Variants in CNNM2 observed in about 807,000 individuals in gnomAD.
CNNM2 encodes metal transporter CNNM2.
CNNM2 carries 12 observed loss-of-function variants against 66.9 expected under a neutral mutation model. The observed-to-expected ratio is 0.18, with a 90% CI of 0.11 to 0.29. The LOEUF is 0.29. CNNM2 is among the 10% of genes least tolerant of loss of function. The pLI, the probability that CNNM2 is intolerant of heterozygous loss-of-function variation, is 1.00. For synonymous variants in CNNM2, 557 were observed against 501.8 expected (o/e 1.11, Z -1.47); for missense variants, 705 against 1,167.7 (o/e 0.60, Z 5.77).
intron 5 of CNNM2, among the ~76,000 whole-genome samples, chr10:103,069,082 G>A (rs183381236): frequency 6.6e-6 from 1 of 152,256 alleles, no homozygotes; most frequent in East Asian, 1.9e-4. Flanking sequence ...GACACTGTGT[G>A]TGTTACACAG....
chr10:102,931,055 G>T (rs1846045943), intron 1 of CNNM2, among the ~76,000 whole-genome samples: 1 of 152,158 alleles, frequency 6.6e-6, no homozygotes, highest in Admixed American at 6.6e-5. Context: ...TAGTTCAGTG[G>T]TCTCATAGAG....
At chr10:102,933,417 C>T (rs187012931) in intron 1 of CNNM2, among the ~76,000 whole-genome samples, 84 of 152,186 alleles carry the variant, frequency 5.5e-4, no homozygotes, top group Non-Finnish European at 1.0e-3. Flanking sequence ...ATGTTATCTT[C>T]AGATTGTTCA....
chr10:103,013,309 A>G (rs1425533276), intron 1 of CNNM2, among the ~76,000 whole-genome samples: 2 of 152,164 alleles, frequency 1.3e-5, no homozygotes, highest in South Asian at 2.1e-4. Flanking sequence ...TCTCTTCTTC[A>G]CGAGTTCTTG....
intron 2 of CNNM2, 116 bp downstream of exon 2, chr10:103,049,966 G>C (rs919624532): frequency 1.1e-6 from 1 of 946,604 alleles, no homozygotes; most frequent in Non-Finnish European, 1.6e-6. Flanking sequence ...CACATGATGT[G>C]TGTAGGCCGT....
intron 1 of CNNM2, among the ~76,000 whole-genome samples, chr10:103,021,889 G>A (rs1407138117): frequency 6.6e-6 from 1 of 152,194 alleles, no homozygotes; most frequent in Admixed American, 6.5e-5. Flanking sequence ...ATATATGTGT[G>A]TATGTATATG....
intron 1 of CNNM2, among the ~76,000 whole-genome samples, chr10:102,982,614 T>C (rs2063735501): frequency 6.6e-6 from 1 of 152,186 alleles, no homozygotes; most frequent in African/African-American, 2.4e-5. Flanking sequence ...CTTTGATGGG[T>C]AGTTAGTTCT....
chr10:103,083,379 C>G lies in CNNM2; in HGVS notation c.*6199C>G, dbSNP rs1433618375. On this transcript the variant is annotated 3_prime_UTR_variant, in exon 8 of 8. Transcript: ENST00000369878. ...CTATTCTATTTAGATAAATGATGTT[C>G]TGTTCACCCTGCTAGCAGATGTGTG... 1 of 152,174 alleles carries G rather than the reference C, an allele frequency of 6.6e-6. No homozygotes were observed. Among genetic ancestry groups the G allele is most frequent in the African/African-American group, 2.4e-5 (1 of 41,436 alleles). 9.4% of individuals were successfully genotyped at this position (152,174 alleles called of 1,614,324 possible).
chr10:102,937,640 C>T (rs1846285060), intron 1 of CNNM2, among the ~76,000 whole-genome samples: 2 of 152,148 alleles, frequency 1.3e-5, no homozygotes, highest in African/African-American at 4.8e-5. Flanking sequence ...ATATCTTACA[C>T]ATTTTGCTAA....
At position 103,089,959 on chromosome 10, in the gene CNNM2, ACT is replaced by A; in HGVS notation, c.*12781_*12782del. The stretch of plus-strand genomic sequence containing the variant: ...AGAAAGCAGGCAGAGCAAAGTAGCT[ACT>A]CCCCAAATCCTAACCCCTCTCCTCT... On this transcript the variant is annotated 3_prime_UTR_variant, in exon 8 of 8. Coordinates refer to ENST00000369878, the MANE Select transcript of CNNM2 (RefSeq NM_017649.5). 2 of 1,479,542 alleles carry A rather than the reference ACT, an allele frequency of 1.4e-6. 1 individual carries two copies. The highest frequency in any genetic ancestry group is 2.6e-5 in the South Asian group (2 of 75,510). 91.7% of individuals were successfully genotyped at this position (1,479,542 alleles called of 1,614,324 possible).
chr10:103,047,640 C>G (rs1306511954), intron 1 of CNNM2, among the ~76,000 whole-genome samples: 1 of 152,180 alleles, frequency 6.6e-6, no homozygotes, highest in Non-Finnish European at 1.5e-5. Flanking sequence ...TTCTGTAAAT[C>G]TAAAATTATT....
chr10:102,968,072 G>A (rs1171136453), intron 1 of CNNM2, among the ~76,000 whole-genome samples: 1 of 152,018 alleles, frequency 6.6e-6, no homozygotes, highest in African/African-American at 2.4e-5. Context: ...CATTTCTCTT[G>A]TGGAGATACT....
At chr10:102,965,638 G>A (rs1377162898) in intron 1 of CNNM2, among the ~76,000 whole-genome samples, 1 of 152,166 alleles carries the variant, frequency 6.6e-6, no homozygotes, top group African/African-American at 2.4e-5. Flanking sequence ...TCTTGAGTCA[G>A]CGTCTTTATC....
At chr10:102,933,108 G>C (rs1041172536) in intron 1 of CNNM2, among the ~76,000 whole-genome samples, 1 of 152,070 alleles carries the variant, frequency 6.6e-6, no homozygotes, top group Non-Finnish European at 1.5e-5. Context: ...TGTTTTGGCT[G>C]TCAGGATTCC....
At position 102,922,440 on chromosome 10, in the gene CNNM2, A is replaced by G. The variant is rs956672960; in HGVS notation, c.1621+2339A>G. ...CCTGATTTTCATGTCTTCATTTTCT[A>G]AATCAATTATGACAGTGTTAACAAT... is the stretch of plus-strand genomic sequence containing the variant. On this transcript the variant is annotated intron_variant, in intron 1 of 7. Coordinates refer to ENST00000369878, the MANE Select transcript of CNNM2 (RefSeq NM_017649.5). Among the ~76,000 whole-genome samples, 20 of 151,980 alleles carry G rather than the reference A, an allele frequency of 1.3e-4. 1 individual carries two copies. Among genetic ancestry groups the G allele is most frequent in the African/African-American group, 4.8e-4 (20 of 41,368 alleles).
intron 1 of CNNM2, among the ~76,000 whole-genome samples, chr10:103,019,174 T>TG (rs2064517935): frequency 6.7e-6 from 1 of 150,356 alleles, no homozygotes; most frequent in Admixed American, 6.6e-5. Flanking sequence ...GAGGCTGAGT[T>TG]GGGAGGATCA....
At chr10:102,974,901 A>C (rs1395012851) in intron 1 of CNNM2, among the ~76,000 whole-genome samples, 1 of 152,204 alleles carries the variant, frequency 6.6e-6, no homozygotes, top group East Asian at 1.9e-4. Context: ...TGGGGCACAC[A>C]TTTTGAAATT....
At chr10:102,972,582 G>T (rs2063562520) in intron 1 of CNNM2, among the ~76,000 whole-genome samples, 1 of 152,226 alleles carries the variant, frequency 6.6e-6, no homozygotes. Context: ...CTTGCAGTGA[G>T]CTGAGATCGC....
intron 1 of CNNM2, 40 bp downstream of exon 1, chr10:102,920,141 C>G (rs1845565292): frequency 6.2e-6 from 10 of 1,613,866 alleles, no homozygotes; most frequent in Admixed American, 1.7e-5. Flanking sequence ...TGCTCTTTCT[C>G]TCTCCATCCT....
In CNNM2 at chr10:102,968,774, A is replaced by AT. The variant is rs1161170842; in HGVS notation, c.1621+48680dup. 3.3e-5 allele frequency among the ~76,000 whole-genome samples: 5 copies of AT among 151,514 alleles called. No homozygotes were observed. The South Asian group carries it at 8.3e-4, about 25-fold the overall frequency. ...AGGTGCACGCCACCATGCCAGGCTAATTTTTTTGTAGAGACAGCATCTGAC... is the reference window on the plus strand; with the variant it reads ...AGGTGCACGCCACCATGCCAGGCTAATTTTTTTTGTAGAGACAGCATCTGAC... On this transcript the variant is annotated intron_variant, in intron 1 of 7. Transcript: ENST00000369878.
Sources: allele counts gnomAD v4.1 joint callset (sites outside exome capture counted in the v4.1 genomes callset), GRCh38; gene constraint gnomAD v4.1.1; transcripts MANE v1.5; gene names NCBI Gene and HGNC (gene_info 2026-07-23, HGNC 2026-07-21).